Variants in SLIT2 observed in about 807,000 individuals in gnomAD.
SLIT2 encodes the protein slit guidance ligand 2.
SLIT2 carries 41 observed loss-of-function variants against 185.7 expected under a neutral mutation model. That is an observed-to-expected ratio of 0.22 (90% CI 0.17 to 0.29). The LOEUF is 0.29. SLIT2 is among the 10% of genes least tolerant of loss of function. The pLI is 1.00. For missense variants in SLIT2, 1,571 were observed against 1,909.0 expected (o/e 0.82, Z 3.30); for synonymous variants, 693 against 680.2 (o/e 1.02, Z -0.29).
At chr4:20,282,729 A>T (rs1714895295) in intron 4 of SLIT2, among the ~76,000 whole-genome samples, 1 of 152,208 alleles carries the variant, frequency 6.6e-6, no homozygotes, top group African/African-American at 2.4e-5. Flanking sequence ...TTTCAAAGTT[A>T]TTTAACTATA....
intron 29 of SLIT2, among the ~76,000 whole-genome samples, chr4:20,583,896 C>T (rs1726822212): frequency 6.6e-6 from 1 of 152,014 alleles, no homozygotes; most frequent in East Asian, 1.9e-4. Flanking sequence ...TAAGGCCAAA[C>T]TCCAGGTATT....
At chr4:20,341,864 G>T (rs555939432) in intron 4 of SLIT2, among the ~76,000 whole-genome samples, 10 of 152,186 alleles carry the variant, frequency 6.6e-5, no homozygotes, top group African/African-American at 2.4e-4. Context: ...TCATGAATTT[G>T]CTGAATTTAG....
At chr4:20,527,152 C>A in intron 15 of SLIT2, among the ~76,000 whole-genome samples, 1 of 152,088 alleles carries the variant, frequency 6.6e-6, no homozygotes, top group East Asian at 1.9e-4. Flanking sequence ...AGGATTAATC[C>A]AAATGTTGTA....
intron 26 of SLIT2, among the ~76,000 whole-genome samples, chr4:20,559,751 G>A (rs780672035): frequency 2.6e-5 from 4 of 151,784 alleles, no homozygotes; most frequent in Admixed American, 6.6e-5. Flanking sequence ...CTCAGCTGCC[G>A]ACTGGAGTCA....
At chr4:20,390,579 C>T (rs917843232) in intron 4 of SLIT2, among the ~76,000 whole-genome samples, 2 of 151,974 alleles carry the variant, frequency 1.3e-5, no homozygotes, top group African/African-American at 2.4e-5. Flanking sequence ...CACTGTCGGC[C>T]TGCTGCATTG....
At chr4:20,548,771 T>G (rs1039286535) in intron 23 of SLIT2, among the ~76,000 whole-genome samples, 1 of 151,896 alleles carries the variant, frequency 6.6e-6, no homozygotes, top group African/African-American at 2.4e-5. Context: ...TTTGTGTTTG[T>G]GGGGGGCTTA....
At chr4:20,463,672 A>C (rs1170309978) in intron 4 of SLIT2, among the ~76,000 whole-genome samples, 1 of 150,340 alleles carries the variant, frequency 6.7e-6, no homozygotes, top group African/African-American at 2.4e-5. Context: ...CAGGAGATTG[A>C]GACCATCCTG....
intron 4 of SLIT2, among the ~76,000 whole-genome samples, chr4:20,403,476 C>T (rs1469032204): frequency 6.6e-6 from 1 of 151,936 alleles, no homozygotes; most frequent in African/African-American, 2.4e-5. Context: ...CCTAGCAGGG[C>T]TCCCTGTAGA....
intron 3 of SLIT2, among the ~76,000 whole-genome samples, chr4:20,263,427 C>T (rs1189370625): frequency 6.6e-6 from 1 of 151,758 alleles, no homozygotes; most frequent in Non-Finnish European, 1.5e-5. Flanking sequence ...AGCATTGGCT[C>T]TTTGCTGCAG....
chr4:20,270,471 A>C (rs1008466414), intron 4 of SLIT2, among the ~76,000 whole-genome samples: 2 of 151,970 alleles, frequency 1.3e-5, no homozygotes, highest in Non-Finnish European at 2.9e-5. Flanking sequence ...CAGCTGCTGT[A>C]TGAAAAAAGA....
chr4:20,411,219 C>T (rs1278627290), intron 4 of SLIT2, among the ~76,000 whole-genome samples: 1 of 152,078 alleles, frequency 6.6e-6, no homozygotes, highest in Non-Finnish European at 1.5e-5. Context: ...TTTTTGTGTG[C>T]CCAGACACAG....
At chr4:20,321,283 T>G (rs1276250981) in intron 4 of SLIT2, among the ~76,000 whole-genome samples, 1 of 152,230 alleles carries the variant, frequency 6.6e-6, no homozygotes, top group Non-Finnish European at 1.5e-5. Context: ...GGATAGTCAA[T>G]TGCCAAAATT....
At chr4:20,349,616 C>T (rs1721704948) in intron 4 of SLIT2, among the ~76,000 whole-genome samples, 1 of 152,170 alleles carries the variant, frequency 6.6e-6, no homozygotes, top group Non-Finnish European at 1.5e-5. Flanking sequence ...CATTGTGTTT[C>T]CCTGAAAATG....
At chr4:20,521,466 A>G (rs1311762080) in intron 12 of SLIT2, among the ~76,000 whole-genome samples, 1 of 152,244 alleles carries the variant, frequency 6.6e-6, no homozygotes, top group Non-Finnish European at 1.5e-5. Flanking sequence ...AGTTAAAGTG[A>G]GTACAAACTG....
At chr4:20,479,798 A>G (rs1577743792) in intron 5 of SLIT2, among the ~76,000 whole-genome samples, 1 of 152,154 alleles carries the variant, frequency 6.6e-6, no homozygotes, top group South Asian at 2.1e-4. Context: ...ATTTTAACAA[A>G]TAAGTGCTTA....
rs75291434 is a variant in SLIT2 at position 20,480,398 on chromosome 4, T to A, written c.468-318T>A. ...CCTTAATGAAATTGTTTCAGCAAGATGACGCTGAAAGCTCTTAATGGATAG... is the reference window on the plus strand; with the variant it reads ...CCTTAATGAAATTGTTTCAGCAAGAAGACGCTGAAAGCTCTTAATGGATAG... On this transcript the variant is annotated intron_variant, in intron 5 of 36. Transcript: ENST00000504154. Among the ~76,000 whole-genome samples the A allele has an allele frequency of 2.0e-4, 30 of 152,318 alleles. No individual in the cohort carries two copies. In the East Asian group the frequency reaches 3.1e-3, roughly 16 times the overall value.
At chr4:20,275,812 G>A (rs1714117041) in intron 4 of SLIT2, among the ~76,000 whole-genome samples, 2 of 152,002 alleles carry the variant, frequency 1.3e-5, no homozygotes, top group South Asian at 2.1e-4. Flanking sequence ...TGTGACTCAG[G>A]AACTATTTGT....
chr4:20,595,123 A>G (rs1727869967), intron 30 of SLIT2, among the ~76,000 whole-genome samples: 1 of 152,130 alleles, frequency 6.6e-6, no homozygotes, highest in African/African-American at 2.4e-5. Context: ...CTAACCCATT[A>G]TGTCAGTCCC....
rs538544604 is a variant in SLIT2, at chr4:20,520,563, A to G, written c.1130+1110A>G. Among the ~76,000 whole-genome samples the G allele has an allele frequency of 7.4e-4, 112 of 152,244 alleles. 1 individual carries two copies. The highest frequency in any genetic ancestry group is 2.4e-3 in the African/African-American group (101 of 41,552). ...ATTTATTTGGTAACGATTTATTCCT[A>G]ATCCCACAATCTTCATGTATATATA... On this transcript the variant is annotated intron_variant, in intron 12 of 36. Transcript: ENST00000504154.
Sources: gnomAD v4.1 joint callset for allele counts (sites outside exome capture counted in the v4.1 genomes callset) on GRCh38, gnomAD v4.1.1 for gene constraint, MANE v1.5 for transcripts, NCBI Gene and HGNC (gene_info 2026-07-23, HGNC 2026-07-21) for gene names.